Variants in CUX1 observed in about 807,000 individuals in gnomAD.
CUX1 encodes cut like homeobox 1, also known as protein CASP.
CUX1 carries 31 observed loss-of-function variants against 158.8 expected under a neutral mutation model. That is an observed-to-expected ratio of 0.20 (90% confidence interval 0.15 to 0.26). The LOEUF (loss-of-function observed/expected upper bound fraction) is 0.26. Ranked by LOEUF, CUX1 falls within the 10% of genes least tolerant of loss-of-function variation. CUX1 has a pLI of 1.00. For missense variants in CUX1, 1,589 were observed against 2,014.6 expected (o/e 0.79, Z 4.04); for synonymous variants, 879 against 862.1 (o/e 1.02, Z -0.34).
chr7:102,236,840 C>A (rs1482796950), intron 22 of CUX1, among the ~76,000 whole-genome samples: 1 of 152,216 alleles, frequency 6.6e-6, no homozygotes, highest in African/African-American at 2.4e-5. Context: ...CCCAGGCCTC[C>A]CATCTTTCCC....
At chr7:101,984,170 GT>G (rs1813965932) in intron 2 of CUX1, among the ~76,000 whole-genome samples, 1 of 138,426 alleles carries the variant, frequency 7.2e-6, no homozygotes, top group Non-Finnish European at 1.5e-5. Context: ...GTGTGTGTGT[GT>G]GTGTTAGGGG....
At chr7:101,877,176 A>G (rs1005903909) in intron 1 of CUX1, among the ~76,000 whole-genome samples, 7 of 152,184 alleles carry the variant, frequency 4.6e-5, no homozygotes, top group East Asian at 1.9e-4. Context: ...TTACTTACCT[A>G]TTTTTAAGCA....
chr7:102,275,099 T>A (rs1437032007), intron 16 of CUX1: 2 of 592,608 alleles, frequency 3.4e-6, no homozygotes, highest in Non-Finnish European at 5.9e-6. Context: ...TTCCCCGACC[T>A]GCCCAGCACC....
intron 18 of CUX1, among the ~76,000 whole-genome samples, chr7:102,203,390 C>T (rs971783054): frequency 6.6e-6 from 1 of 152,108 alleles, no homozygotes; most frequent in African/African-American, 2.4e-5. Flanking sequence ...CCCCGCACTC[C>T]CCACCCCGCC....
At chr7:102,199,009 G>A (rs1374942735) in intron 16 of CUX1, 142 bp downstream of exon 16, 2 of 751,192 alleles carry the variant, frequency 2.7e-6, no homozygotes, top group Non-Finnish European at 4.6e-6. Flanking sequence ...ATAAAACAAG[G>A]CACGGGTTCA....
chr7:102,028,704 G>T (rs1176383373), intron 3 of CUX1, among the ~76,000 whole-genome samples: 2 of 152,220 alleles, frequency 1.3e-5, no homozygotes, highest in Non-Finnish European at 2.9e-5. Context: ...CACGTGGGTG[G>T]CAAGTCACCT....
intron 1 of CUX1, among the ~76,000 whole-genome samples, chr7:101,863,320 G>T (rs555500266): frequency 6.6e-6 from 1 of 150,908 alleles, no homozygotes; most frequent in African/African-American, 2.4e-5. Context: ...TGGTTCATGT[G>T]TCTTTGTCTT....
intron 3 of CUX1, among the ~76,000 whole-genome samples, chr7:102,062,993 T>C (rs1045352695): frequency 3.9e-5 from 6 of 152,074 alleles, no homozygotes; most frequent in African/African-American, 1.4e-4. Context: ...TAATCCCAGC[T>C]ACTCGGGAAG....
At chr7:102,219,520 C>T (rs1314807480) in intron 20 of CUX1, among the ~76,000 whole-genome samples, 2 of 152,214 alleles carry the variant, frequency 1.3e-5, no homozygotes, top group African/African-American at 2.4e-5. Flanking sequence ...TCCCAGGGGG[C>T]AGAAGGCCAA....
intron 3 of CUX1, among the ~76,000 whole-genome samples, chr7:102,067,487 C>T (rs902079983): frequency 2.6e-5 from 4 of 151,160 alleles, no homozygotes; most frequent in African/African-American, 4.9e-5. Flanking sequence ...CTGCCCACCT[C>T]GGCCTCCCAA....
chr7:101,816,859 G>T (rs1003991722), upstream of CUX1: 1 of 955,982 alleles, frequency 1.0e-6, no homozygotes. Flanking sequence ...CGCCGCCCCC[G>T]GCTGTCACCG....
At chr7:102,164,079 A>G (rs782584575) in intron 9 of CUX1, among the ~76,000 whole-genome samples, 4 of 152,236 alleles carry the variant, frequency 2.6e-5, no homozygotes, top group Non-Finnish European at 5.9e-5. Context: ...TTCATGGTCA[A>G]TAAGAAGCCA....
intron 3 of CUX1, among the ~76,000 whole-genome samples, chr7:102,036,761 C>T (rs369409036): frequency 8.6e-6 from 1 of 115,916 alleles, no homozygotes; most frequent in East Asian, 2.1e-4. Context: ...AGCAAACAAA[C>T]AAAAAAAAAA....
chr7:101,940,812 C>T (rs1459300901), intron 2 of CUX1, among the ~76,000 whole-genome samples: 1 of 152,140 alleles, frequency 6.6e-6, no homozygotes, highest in Non-Finnish European at 1.5e-5. Flanking sequence ...TTCCAGACCC[C>T]TGTCTAGCCC....
chr7:101,846,054 T>C (rs1190886546), intron 1 of CUX1, among the ~76,000 whole-genome samples: 1 of 152,040 alleles, frequency 6.6e-6, no homozygotes, highest in Non-Finnish European at 1.5e-5. Context: ...ACCCCAGGCC[T>C]CCTGAGACAG....
At chr7:102,100,959 C>T (rs1241045437) in intron 5 of CUX1, among the ~76,000 whole-genome samples, 3 of 152,166 alleles carry the variant, frequency 2.0e-5, no homozygotes, top group Non-Finnish European at 4.4e-5. Flanking sequence ...TCTGAGGGTC[C>T]TCAGGAAGCT....
chr7:101,959,926 A>C (rs914835423), intron 2 of CUX1, among the ~76,000 whole-genome samples: 3 of 152,168 alleles, frequency 2.0e-5, no homozygotes, highest in Admixed American at 1.3e-4. Flanking sequence ...TTAGAATACC[A>C]TTGTTCTCTT....
chr7:102,028,218 A>G (rs1277486591), intron 3 of CUX1, 73 bp downstream of exon 3: 105 of 1,520,744 alleles, frequency 6.9e-5, no homozygotes, highest in Non-Finnish European at 8.7e-5. Context: ...CACATTAAAG[A>G]AATGCTCCGG....
chr7:102,107,119 A>G (rs1830438654), intron 6 of CUX1, among the ~76,000 whole-genome samples: 1 of 152,226 alleles, frequency 6.6e-6, no homozygotes, highest in Non-Finnish European at 1.5e-5. Context: ...CTATAGTCTC[A>G]GCTACTTGGG....
Sources: allele counts gnomAD v4.1 joint callset (sites outside exome capture counted in the v4.1 genomes callset), GRCh38; gene constraint gnomAD v4.1.1; transcripts MANE v1.5; gene names NCBI Gene and HGNC (gene_info 2026-07-23, HGNC 2026-07-21).